CRHR1: variants seen among roughly 807,000 people sequenced by gnomAD.
The protein encoded by CRHR1 is corticotropin-releasing hormone receptor 1.
CRHR1 carries 28 observed loss-of-function variants against 56.0 expected under a neutral mutation model. That is an observed-to-expected ratio of 0.50 (90% CI 0.37 to 0.69). The LOEUF (loss-of-function observed/expected upper bound fraction) is 0.69. Ranked by LOEUF, CRHR1 falls within the 30% of genes least tolerant of loss-of-function variation. The probability of loss-of-function intolerance (pLI) is 0.00; values close to 1 mark genes in which losing one functional copy is unlikely to be tolerated. For missense variants in CRHR1, 376 were observed against 548.0 expected (o/e 0.69, Z 3.13); for synonymous variants, 195 against 216.5 (o/e 0.90, Z 0.87).
rs1462271084 is a variant in CRHR1 at position 45,833,525 on chromosome 17, C to A, written c.917C>A (p.Thr306Asn). The A allele has an allele frequency of 6.2e-7, 1 of 1,614,000 alleles. No individual in the cohort carries two copies. The highest frequency in any genetic ancestry group is 1.7e-5 in the Admixed American group (1 of 60,020). Residue 306 changes from threonine (T) to asparagine (N), a missense_variant, in exon 10 of 13, where the codon ACC (threonine) becomes AAC (asparagine). Around this residue, in one of 2 missense-constraint regions of CRHR1, gnomAD observed 369 missense variants for 519.5 expected, o/e 0.71. Transcript: ENST00000314537. ...TKLRASTTSE[T>N]IQYRKAVKAT... ...CTCCGGGCATCCACCACGTCTGAGA[C>A]CATTCAGTACAGGTAACCGGGTACC... is the stretch of plus-strand genomic sequence containing the variant.
chr17:45,818,330 G>A (rs4566211), intron 3 of CRHR1, among the ~76,000 whole-genome samples: 21,824 of 152,258 alleles, frequency 0.14, 2,138 homozygotes, highest in Middle Eastern at 0.22. Flanking sequence ...AGTTCCCTCT[G>A]CTCCCGTTGC....
At chr17:45,821,784 C>A (rs547388193) in intron 4 of CRHR1, among the ~76,000 whole-genome samples, 9 of 152,330 alleles carry the variant, frequency 5.9e-5, no homozygotes, top group Middle Eastern at 3.4e-3. Flanking sequence ...AGGAGTCCCA[C>A]CCTTTTCCAC....
rs1278506571 is a variant in CRHR1, at chr17:45,834,773, G to T, written c.*9G>T. The T allele has an allele frequency of 6.2e-7, 1 of 1,613,448 alleles. No individual in the cohort carries two copies. Among genetic ancestry groups the T allele is most frequent in the Non-Finnish European group, 8.5e-7 (1 of 1,179,902 alleles). On this transcript the variant is annotated 3_prime_UTR_variant, in exon 13 of 13. Coordinates refer to ENST00000314537, the MANE Select transcript of CRHR1 (RefSeq NM_004382.5). ...AGTCCACAGCAGTCTGAGCTGGCAGGTCATGGAGCAGCCCCCAAAGAGCTG... is the reference window on the plus strand; with the variant it reads ...AGTCCACAGCAGTCTGAGCTGGCAGTTCATGGAGCAGCCCCCAAAGAGCTG...
intron 1 of CRHR1, among the ~76,000 whole-genome samples, chr17:45,805,079 C>A (rs905287121): frequency 6.6e-6 from 1 of 152,062 alleles, no homozygotes; most frequent in Non-Finnish European, 1.5e-5. Flanking sequence ...GCTGGGATTA[C>A]AGGCATGAGC....
intron 1 of CRHR1, among the ~76,000 whole-genome samples, chr17:45,799,101 C>T (rs1237527113): frequency 6.6e-6 from 1 of 152,206 alleles, no homozygotes; most frequent in African/African-American, 2.4e-5. Flanking sequence ...CATCTCTGTC[C>T]TCTGTGCCTA....
At chr17:45,785,045 C>G (rs2061308672) in intron 1 of CRHR1, among the ~76,000 whole-genome samples, 1 of 152,200 alleles carries the variant, frequency 6.6e-6, no homozygotes, top group Non-Finnish European at 1.5e-5. Context: ...TGCCCCTTCC[C>G]CTCCGCGGCG....
rs778137603 is a variant in CRHR1 at position 45,834,640 on chromosome 17, G to A, written c.1124G>A (p.Arg375Gln). ...FLNSEVRSAI[R>Q]KRWHRWQDKH... The stretch of plus-strand genomic sequence containing the variant: ...TGCCCACAGGTCCGTTCTGCCATCC[G>A]GAAGAGGTGGCACCGGTGGCAGGAC... Residue 375 changes from arginine (R) to glutamine (Q), a missense_variant, in exon 13 of 13, where the codon CGG becomes CAG. Coordinates refer to ENST00000314537, the MANE Select transcript of CRHR1 (RefSeq NM_004382.5). 5.6e-6 allele frequency: 9 copies of A among 1,612,478 alleles called. No individual in the cohort carries two copies. Among genetic ancestry groups the A allele is most frequent in the East Asian group, 2.2e-5 (1 of 44,822 alleles).
intron 1 of CRHR1, among the ~76,000 whole-genome samples, chr17:45,793,152 C>T (rs1053827747): frequency 1.3e-5 from 2 of 152,264 alleles, no homozygotes; most frequent in East Asian, 1.9e-4. Flanking sequence ...TGTGACTCAA[C>T]GGCTTATCAA....
chr17:45,825,042 G>A (rs922105601), intron 4 of CRHR1, among the ~76,000 whole-genome samples: 19 of 152,052 alleles, frequency 1.2e-4, no homozygotes, highest in African/African-American at 3.6e-4. Context: ...ATTCCCTTCT[G>A]CCAGCCCCCA....
intron 2 of CRHR1, among the ~76,000 whole-genome samples, chr17:45,810,449 G>A (rs1332927604): frequency 6.6e-6 from 1 of 152,030 alleles, no homozygotes; most frequent in Non-Finnish European, 1.5e-5. Context: ...GAAGTTAAAC[G>A]AGTTGCCCAA....
chr17:45,814,328 C>G (rs547582756), intron 2 of CRHR1, among the ~76,000 whole-genome samples: 4 of 152,302 alleles, frequency 2.6e-5, no homozygotes, highest in East Asian at 3.9e-4. Context: ...AAACGCTGCT[C>G]CCTTCCTGCT....
intron 3 of CRHR1, 49 bp from the exon 4 acceptor site, chr17:45,821,306 C>G (rs938735527): frequency 6.4e-7 from 1 of 1,555,102 alleles, no homozygotes. Context: ...GATGGTCAGG[C>G]AGGGGCCGGG....
At chr17:45,803,779 T>TGTGTGTGCAC (rs1371508322) in intron 1 of CRHR1, among the ~76,000 whole-genome samples, 1 of 151,962 alleles carries the variant, frequency 6.6e-6, no homozygotes, top group East Asian at 1.9e-4. Context: ...TGTGTGTGCG[T>TGTGTGTGCAC]GCGCGTGCGC....
At chr17:45,810,114 T>C (rs62057103) in intron 2 of CRHR1, among the ~76,000 whole-genome samples, 21,908 of 152,032 alleles carry the variant, frequency 0.14, 2,158 homozygotes, top group Middle Eastern at 0.22. Context: ...ACCCCGTCTC[T>C]ACTAAAAATA....
intron 10 of CRHR1, 21 bp from the exon 11 acceptor site, chr17:45,833,693 T>TCGGCCC: frequency 1.9e-6 from 3 of 1,571,618 alleles, no homozygotes; most frequent in Non-Finnish European, 2.6e-6. Context: ...ACTCCGAGCC[T>TCGGCCC]CCCCACCCGC....
chr17:45,814,362 C>A (rs2061884686), intron 2 of CRHR1, among the ~76,000 whole-genome samples: 1 of 152,164 alleles, frequency 6.6e-6, no homozygotes, highest in South Asian at 2.1e-4. Flanking sequence ...TCCCTCACCC[C>A]CTGTGACTGA....
intron 1 of CRHR1, among the ~76,000 whole-genome samples, chr17:45,794,489 TTG>T (rs1248021747): frequency 6.6e-6 from 1 of 152,234 alleles, no homozygotes; most frequent in East Asian, 1.9e-4. Flanking sequence ...CTTCTTGCAC[TTG>T]TGTGTCTCCA....
intron 3 of CRHR1, among the ~76,000 whole-genome samples, chr17:45,819,324 T>A (rs78074121): frequency 6.6e-6 from 1 of 152,192 alleles, no homozygotes; most frequent in Non-Finnish European, 1.5e-5. Flanking sequence ...TTTCGGGATT[T>A]GCCCAAGGTC....
At chr17:45,797,283 C>CTTTTTTTTTTTTTTTTTTTTT (rs899983592) in intron 1 of CRHR1, among the ~76,000 whole-genome samples, 1 of 94,930 alleles carries the variant, frequency 1.1e-5, no homozygotes, top group Non-Finnish European at 1.9e-5. Flanking sequence ...TTCTTTCTTT[C>CTTTTTTTTTTTTTTTTTTTTT]TTTTTTTTTT....
Sources: gnomAD v4.1 joint callset for allele counts (sites outside exome capture counted in the v4.1 genomes callset) on GRCh38, gnomAD v4.1.1 for gene constraint, gnomAD v4.1.1 regional missense constraint, MANE v1.5 for transcripts, NCBI Gene and HGNC (gene_info 2026-07-23, HGNC 2026-07-21) for gene names.